Variants in URM1 observed in about 807,000 individuals in gnomAD.
The protein encoded by URM1 is ubiquitin related modifier 1, also known as ubiquitin-related modifier 1.
A neutral mutation model predicts 17.7 loss-of-function variants in URM1; 11 were observed. The ratio of observed to expected loss-of-function variants is 0.62; its 90% CI spans 0.39 to 1.03. The LOEUF is 1.03. Among genes scored for constraint, URM1 ranks in the 50% least tolerant of loss-of-function variants. URM1 has a pLI of 0.00. For synonymous variants in URM1, 48 were observed against 50.6 expected (o/e 0.95, Z 0.22); for missense variants, 128 against 129.2 (o/e 0.99, Z 0.04).
At chr9:128,382,852 C>T (rs981461858) in intron 2 of URM1, among the ~76,000 whole-genome samples, 1 of 152,222 alleles carries the variant, frequency 6.6e-6, no homozygotes, top group Non-Finnish European at 1.5e-5. Flanking sequence ...AACGGCCATG[C>T]AGGCACCCAC....
At chr9:128,382,844 C>T (rs1345436243) in intron 2 of URM1, among the ~76,000 whole-genome samples, 1 of 152,178 alleles carries the variant, frequency 6.6e-6, no homozygotes. Flanking sequence ...CTCGCTGAAA[C>T]GGCCATGCAG....
chr9:128,389,534 A>G, intron 4 of URM1, 132 bp from the exon 5 acceptor site: 3 of 1,547,840 alleles, frequency 1.9e-6, no homozygotes, highest in Non-Finnish European at 2.6e-6. Flanking sequence ...GTTGAGGTAT[A>G]GGATACCCAT....
intron 1 of URM1, among the ~76,000 whole-genome samples, chr9:128,373,406 C>T (rs374547348): frequency 1.6e-4 from 24 of 152,082 alleles, no homozygotes; most frequent in African/African-American, 2.7e-4. Context: ...AAGGCTAACA[C>T]GCCCTTCATT....
chr9:128,380,918 G>A (rs1025695336), intron 2 of URM1, among the ~76,000 whole-genome samples: 9 of 152,100 alleles, frequency 5.9e-5, no homozygotes, highest in East Asian at 3.9e-4. Context: ...TCCGCCTCCC[G>A]GGTTCACGCC....
rs887587160 is a variant in URM1 at position 128,386,632 on chromosome 9, G to A, written c.107-1184G>A. On this transcript the variant is annotated intron_variant, in intron 2 of 4. Transcript: ENST00000372853. ...TAACTCCCTGCCCAAGGCTGGGGCCGTGTGTGCGTGCCACACTGTGGGCCC... is the reference window on the plus strand; with the variant it reads ...TAACTCCCTGCCCAAGGCTGGGGCCATGTGTGCGTGCCACACTGTGGGCCC... Among the ~76,000 whole-genome samples the A allele has an allele frequency of 7.2e-5, 11 of 152,346 alleles. 1 individual carries two copies. The highest frequency in any genetic ancestry group is 5.8e-4 in the East Asian group (3 of 5,188).
At chr9:128,373,048 G>A (rs1833032698) in intron 1 of URM1, among the ~76,000 whole-genome samples, 2 of 152,126 alleles carry the variant, frequency 1.3e-5, no homozygotes, top group African/African-American at 4.8e-5. Flanking sequence ...AGGAAGATGG[G>A]GCCATTGCTC....
At chr9:128,379,098 C>T (rs1833121736) in intron 2 of URM1, among the ~76,000 whole-genome samples, 1 of 152,120 alleles carries the variant, frequency 6.6e-6, no homozygotes, top group East Asian at 1.9e-4. Flanking sequence ...ATTCCAGTCT[C>T]CACCTATGAC....
intron 1 of URM1, among the ~76,000 whole-genome samples, chr9:128,374,812 G>T (rs1407072759): frequency 6.6e-6 from 1 of 152,206 alleles, no homozygotes; most frequent in African/African-American, 2.4e-5. Flanking sequence ...GAGACCCAGA[G>T]GGAGAAGCAG....
intron 2 of URM1, among the ~76,000 whole-genome samples, chr9:128,379,708 G>A (rs938565750): frequency 5.3e-5 from 8 of 151,906 alleles, no homozygotes; most frequent in African/African-American, 1.9e-4. Flanking sequence ...GCTGAGGCAC[G>A]AGAATTGCTT....
At chr9:128,375,953 TC>T (rs1431663965) in intron 1 of URM1, among the ~76,000 whole-genome samples, 5 of 152,126 alleles carry the variant, frequency 3.3e-5, no homozygotes, top group African/African-American at 1.2e-4. Context: ...GGGCTTCACA[TC>T]GGGGCCGGCA....
At position 128,372,324 on chromosome 9, in the gene URM1, G is replaced by A. The variant is rs147124649; in HGVS notation, c.35+909G>A. On this transcript the variant is annotated intron_variant, in intron 1 of 4. Coordinates refer to ENST00000372853, the MANE Select transcript of URM1 (RefSeq NM_030914.4). ...GTGTGTGTGTGCCTGTGTGTGTGTA[G>A]ATAAGCCAAGGTCTATGTGACAGGA... is the stretch of plus-strand genomic sequence containing the variant. Among the ~76,000 whole-genome samples, 106 of 151,438 alleles carry A rather than the reference G, an allele frequency of 7.0e-4. No homozygotes were observed. In the East Asian group the frequency reaches 0.018, roughly 26 times the overall value.
At chr9:128,380,859 C>T (rs1388739186) in intron 2 of URM1, among the ~76,000 whole-genome samples, 2 of 152,056 alleles carry the variant, frequency 1.3e-5, no homozygotes, top group East Asian at 1.9e-4. Flanking sequence ...TAGTCTCGCT[C>T]TGTTGCCCAG....
chr9:128,385,955 C>T (rs1322666653), intron 2 of URM1, among the ~76,000 whole-genome samples: 1 of 152,202 alleles, frequency 6.6e-6, no homozygotes, highest in Non-Finnish European at 1.5e-5. Context: ...GGGCAGCAGA[C>T]TCATCCCCCA....
chr9:128,380,633 T>G (rs968473770), intron 2 of URM1, among the ~76,000 whole-genome samples: 3 of 151,842 alleles, frequency 2.0e-5, no homozygotes, highest in African/African-American at 7.2e-5. Flanking sequence ...CTTTTTTTTT[T>G]CTTTTCTTTT....
At position 128,390,870 on chromosome 9, in the gene URM1, ACT is replaced by A. The variant is rs1833303665; in HGVS notation, c.*1138_*1139del. On this transcript the variant is annotated 3_prime_UTR_variant, in exon 5 of 5. Coordinates refer to ENST00000372853, the MANE Select transcript of URM1 (RefSeq NM_030914.4). ...ACCCAAAAGAGGGGTGGGGGTGAAC[ACT>A]CAGACAATCTGAGAGGGGGTAGTCT... 1 of 152,594 alleles carries A rather than the reference ACT, an allele frequency of 6.6e-6. No homozygotes were observed. The highest frequency in any genetic ancestry group is 2.4e-5 in the African/African-American group (1 of 41,422). The allele number at this position is 152,594 out of a possible 1,614,324, so 9.5% of individuals were successfully genotyped here. A position where few individuals can be genotyped will look rare whatever the true frequency, so the allele number is the denominator to read the frequency against.
intron 2 of URM1, among the ~76,000 whole-genome samples, chr9:128,381,928 C>G (rs1833164791): frequency 6.6e-6 from 1 of 152,178 alleles, no homozygotes; most frequent in Non-Finnish European, 1.5e-5. Flanking sequence ...TTTATTTATT[C>G]ATGAGTTCAA....
chr9:128,379,191 G>C (rs181459700), intron 2 of URM1, among the ~76,000 whole-genome samples: 2 of 151,998 alleles, frequency 1.3e-5, no homozygotes, highest in Non-Finnish European at 2.9e-5. Flanking sequence ...GTAGAAAATG[G>C]TCAAGTCAGG....
At chr9:128,377,982 T>G (rs1833099451) in intron 1 of URM1, 54 bp from the exon 2 acceptor site, 3 of 1,603,202 alleles carry the variant, frequency 1.9e-6, no homozygotes, top group Non-Finnish European at 2.6e-6. Context: ...CCGCTACCTC[T>G]TCCTATTTGC....
intron 2 of URM1, among the ~76,000 whole-genome samples, chr9:128,385,882 C>T (rs370040458): frequency 3.3e-5 from 5 of 150,282 alleles, no homozygotes; most frequent in East Asian, 1.9e-4. Flanking sequence ...GGGTGGGGGG[C>T]GGGCAGAAGA....
Sources: gnomAD v4.1 joint callset for allele counts (sites outside exome capture counted in the v4.1 genomes callset) on GRCh38, gnomAD v4.1.1 for gene constraint, MANE v1.5 for transcripts, NCBI Gene and HGNC (gene_info 2026-07-23, HGNC 2026-07-21) for gene names.